PAX5: variants seen among roughly 807,000 people sequenced by gnomAD.
PAX5 encodes paired box 5.
Under a neutral mutation model 43.7 loss-of-function variants are expected in PAX5, and 9 were observed. The observed-to-expected ratio is 0.21, with a 90% CI of 0.12 to 0.36. PAX5 has a LOEUF of 0.36. Among genes scored for constraint, PAX5 ranks in the 10% least tolerant of loss-of-function variants. PAX5 has a pLI of 1.00. For missense variants in PAX5, 383 were observed against 532.7 expected (o/e 0.72, Z 2.77); for synonymous variants, 228 against 214.3 (o/e 1.06, Z -0.56).
intron 6 of PAX5, among the ~76,000 whole-genome samples, chr9:36,963,879 A>G (rs1034141218): frequency 6.6e-6 from 1 of 152,204 alleles, no homozygotes; most frequent in Admixed American, 6.5e-5. Flanking sequence ...GGGTGACCTC[A>G]GACATGCCCT....
At chr9:36,983,847 A>G (rs1189325707) in intron 5 of PAX5, among the ~76,000 whole-genome samples, 2 of 152,196 alleles carry the variant, frequency 1.3e-5, no homozygotes, top group Admixed American at 1.3e-4. Flanking sequence ...ACTATCCCAT[A>G]TTAGGGACTA....
intron 6 of PAX5, among the ~76,000 whole-genome samples, chr9:36,935,434 A>G (rs1462672518): frequency 6.6e-6 from 1 of 152,084 alleles, no homozygotes; most frequent in African/African-American, 2.4e-5. Flanking sequence ...AAGGGCTTCC[A>G]AGAAGAGATC....
At chr9:36,938,806 TA>T (rs1831783032) in intron 6 of PAX5, among the ~76,000 whole-genome samples, 1 of 152,232 alleles carries the variant, frequency 6.6e-6, no homozygotes, top group Non-Finnish European at 1.5e-5. Flanking sequence ...AAAGCAGTGC[TA>T]ATTAATATCC....
Position 36,837,817 on chromosome 9 carries a change from A to G in PAX5, c.*2743T>C. Reference sequence around the variant, plus strand: ...ATTACAGGGCAAGAAGAGGAACAGGATGGGGAGAGGGGGCCGCTGTGAGCC... The same window carrying G: ...ATTACAGGGCAAGAAGAGGAACAGGGTGGGGAGAGGGGGCCGCTGTGAGCC... On this transcript the variant is annotated 3_prime_UTR_variant, in exon 10 of 10. Transcript: ENST00000358127. 1 of 233,410 alleles carries G rather than the reference A, an allele frequency of 4.3e-6. No homozygotes were observed. The highest frequency in any genetic ancestry group is 8.5e-6 in the Non-Finnish European group (1 of 118,114). 14.5% of individuals were successfully genotyped at this position (233,410 alleles called of 1,614,324 possible).
intron 6 of PAX5, among the ~76,000 whole-genome samples, chr9:36,944,083 C>T (rs183417415): frequency 1.3e-5 from 2 of 152,272 alleles, no homozygotes; most frequent in African/African-American, 4.8e-5. Flanking sequence ...GCTCAGAAGG[C>T]TGACGCAGGA....
At chr9:36,875,169 G>C (rs1825808234) in intron 8 of PAX5, among the ~76,000 whole-genome samples, 1 of 152,088 alleles carries the variant, frequency 6.6e-6, no homozygotes, top group Admixed American at 6.6e-5. Context: ...CCCAGCCCTG[G>C]GTCAGCCCCA....
chr9:36,951,688 T>C lies in PAX5; in HGVS notation c.780+14861A>G, dbSNP rs190476140. On this transcript the variant is annotated intron_variant, in intron 6 of 9. Transcript: ENST00000358127. ...CTATTTATCTTGCAAATCCAATCTA[T>C]TTATCGAGACTACTCAAATATTTTT... Among the ~76,000 whole-genome samples the C allele has an allele frequency of 1.2e-3, 184 of 152,346 alleles. 3 individuals carry two copies. The highest frequency in any genetic ancestry group is 0.012 in the Admixed American group (180 of 15,302).
At chr9:37,028,882 T>A (rs1192947393) in intron 1 of PAX5, among the ~76,000 whole-genome samples, 1 of 152,222 alleles carries the variant, frequency 6.6e-6, no homozygotes, top group Admixed American at 6.5e-5. Flanking sequence ...ACACAAGGGA[T>A]CTTTGACTAG....
chr9:36,848,234 C>T (rs1236087091), intron 8 of PAX5, among the ~76,000 whole-genome samples: 1 of 152,048 alleles, frequency 6.6e-6, no homozygotes, highest in East Asian at 1.9e-4. Flanking sequence ...GAGGTGGGCC[C>T]CTGGGGATCT....
Position 36,973,049 on chromosome 9 carries a change from AGAAAGAAAAG to A in PAX5, c.605-6335_605-6326del, listed in dbSNP as rs1835056320. 9.9e-5 allele frequency among the ~76,000 whole-genome samples: 14 copies of A among 141,638 alleles called. No homozygotes were observed. The South Asian group carries it at 2.9e-3, about 29-fold the overall frequency. The allele number at this position is 141,638 out of a possible 152,430, so 92.9% of individuals were successfully genotyped here. A position where few individuals can be genotyped will look rare whatever the true frequency, so the allele number is the denominator to read the frequency against. ...TCTCAAAAAAAAAAAGAAGAAAGAA[AGAAAGAAAAG>A]GAAAGGAAAGGAACGGAACGGAACG... is the stretch of plus-strand genomic sequence containing the variant. On this transcript the variant is annotated intron_variant, in intron 5 of 9. Transcript: ENST00000358127.
chr9:36,881,224 T>C, intron 8 of PAX5, among the ~76,000 whole-genome samples: 1 of 152,142 alleles, frequency 6.6e-6, no homozygotes, highest in East Asian at 1.9e-4. Context: ...ATTAAATAAA[T>C]AAAAACTTTT....
chr9:36,993,933 T>A (rs1837152707), intron 5 of PAX5, among the ~76,000 whole-genome samples: 1 of 152,004 alleles, frequency 6.6e-6, no homozygotes, highest in Non-Finnish European at 1.5e-5. Flanking sequence ...GAAAAGGAAC[T>A]GGGGGTAAGA....
chr9:36,963,618 G>A lies in PAX5; in HGVS notation c.780+2931C>T, dbSNP rs115004219. Among the ~76,000 whole-genome samples the A allele has an allele frequency of 4.5e-3, 690 of 152,296 alleles. 5 individuals carry two copies. Among genetic ancestry groups the A allele is most frequent in the African/African-American group, 0.016 (661 of 41,576 alleles). On this transcript the variant is annotated intron_variant, in intron 6 of 9. Coordinates refer to ENST00000358127, the MANE Select transcript of PAX5 (RefSeq NM_016734.3). Reference sequence around the variant, plus strand: ...TTAGAGGAGTGGCATGTGAGCAGGTGAGTGAGTGAATCCATGGGCGGCTTC... The same window carrying A: ...TTAGAGGAGTGGCATGTGAGCAGGTAAGTGAGTGAATCCATGGGCGGCTTC...
chr9:36,903,639 T>G (rs1828581262), intron 7 of PAX5, among the ~76,000 whole-genome samples: 1 of 152,216 alleles, frequency 6.6e-6, no homozygotes, highest in African/African-American at 2.4e-5. Flanking sequence ...CAATCATACC[T>G]GCTGTGTCTG....
At chr9:37,023,773 A>T (rs1295762106) in intron 1 of PAX5, among the ~76,000 whole-genome samples, 1 of 152,144 alleles carries the variant, frequency 6.6e-6, no homozygotes, top group Admixed American at 6.5e-5. Context: ...AAGATCATTA[A>T]AATTTTTCCT....
Position 36,834,818 on chromosome 9 carries a change from C to A in PAX5, c.*5742G>T, listed in dbSNP as rs1441312145. The A allele has an allele frequency of 1.8e-5, 4 of 227,636 alleles. No homozygotes were observed. The Admixed American group carries it at 2.4e-4, about 13-fold the overall frequency. The allele number at this position is 227,636 out of a possible 1,614,324, so 14.1% of individuals were successfully genotyped here. A position where few individuals can be genotyped will look rare whatever the true frequency, so the allele number is the denominator to read the frequency against. Reference sequence around the variant, plus strand: ...ATGGTGATTTTGGGGACAAGGGCGACCAGCGGCCATAGCCACAGGGTCACA... The same window carrying A: ...ATGGTGATTTTGGGGACAAGGGCGAACAGCGGCCATAGCCACAGGGTCACA... On this transcript the variant is annotated 3_prime_UTR_variant, in exon 10 of 10. Coordinates refer to ENST00000358127, the MANE Select transcript of PAX5 (RefSeq NM_016734.3).
chr9:36,984,435 C>CTTTTTTTTTTTTTTTTTTTTTT lies in PAX5; in HGVS notation c.605-17733_605-17712dup, dbSNP rs10663927. On this transcript the variant is annotated intron_variant, in intron 5 of 9. Coordinates refer to ENST00000358127, the MANE Select transcript of PAX5 (RefSeq NM_016734.3). ...GCCCTGGATTGGTTATTGAACCTCTCTTTTTTTTTTTTTTTTTTTTTTGAG... is the reference window on the plus strand; with the variant it reads ...GCCCTGGATTGGTTATTGAACCTCTCTTTTTTTTTTTTTTTTTTTTTTTTTTTTTTTTTTTTTTTTTTTTGAG... 1.2e-4 allele frequency among the ~76,000 whole-genome samples: 8 copies of CTTTTTTTTTTTTTTTTTTTTTT among 66,882 alleles called. 3 individuals are homozygous for CTTTTTTTTTTTTTTTTTTTTTT. The highest frequency in any genetic ancestry group is 4.8e-4 in the Admixed American group (2 of 4,134). 43.9% of individuals were successfully genotyped at this position (66,882 alleles called of 152,430 possible).
intron 8 of PAX5, among the ~76,000 whole-genome samples, chr9:36,878,055 G>A (rs1265253499): frequency 6.6e-6 from 1 of 152,182 alleles, no homozygotes; most frequent in Non-Finnish European, 1.5e-5. Context: ...ACCTGGAGGA[G>A]GAAGGAAACA....
chr9:37,026,672 C>CT (rs1158299899), intron 1 of PAX5: 1 of 1,334,272 alleles, frequency 7.5e-7, no homozygotes, highest in African/African-American at 1.5e-5. Context: ...AGGCCAGGCA[C>CT]TGTGCGAGCT....
Sources: gnomAD v4.1 joint callset for allele counts (sites outside exome capture counted in the v4.1 genomes callset) on GRCh38, gnomAD v4.1.1 for gene constraint, MANE v1.5 for transcripts, NCBI Gene and HGNC (gene_info 2026-07-23, HGNC 2026-07-21) for gene names.